HMCN1: variants seen among roughly 807,000 people sequenced by gnomAD.
HMCN1 encodes hemicentin 1.
In HMCN1, 321 loss-of-function variants were observed where a neutral mutation model predicts 625.9. The observed-to-expected ratio is 0.51, with a 90% CI of 0.47 to 0.56. HMCN1 has a LOEUF of 0.56. Among genes scored for constraint, HMCN1 ranks in the 20% least tolerant of loss-of-function variants. HMCN1 has a pLI of 0.00. For missense variants in HMCN1, 6,588 were observed against 6,887.3 expected, an observed-to-expected ratio of 0.96 and a Z score of 1.54; for synonymous variants, 2,425 against 2,417.6, an observed-to-expected ratio of 1.00 and a Z score of -0.09.
Position 186,115,366 on chromosome 1 carries a change from G to GA in HMCN1, c.11519dup (p.Asn3840LysfsTer6). 5.6e-6 allele frequency: 9 copies of GA among 1,613,782 alleles called. No homozygotes were observed. The highest frequency in any genetic ancestry group is 7.6e-6 in the Non-Finnish European group (9 of 1,179,896). On this transcript the variant is annotated frameshift_variant, in exon 75 of 107. Coordinates refer to ENST00000271588, the MANE Select transcript of HMCN1 (RefSeq NM_031935.3). LOFTEE classifies it high-confidence loss of function. ...ATACCAAAACCATCAATCAATTGGA[G>GA]AAAAAATGGGCATCTTCTTAATGTG...
chr1:186,085,751 T>C (rs1414524806), intron 57 of HMCN1, among the ~76,000 whole-genome samples: 1 of 152,006 alleles, frequency 6.6e-6, no homozygotes, highest in Non-Finnish European at 1.5e-5. Flanking sequence ...TCCTTCTTGT[T>C]TAAATAAGAG....
At chr1:185,947,406 A>G (rs1347364021) in intron 11 of HMCN1, among the ~76,000 whole-genome samples, 1 of 152,258 alleles carries the variant, frequency 6.6e-6, no homozygotes, top group Non-Finnish European at 1.5e-5. Context: ...ACCATATTTG[A>G]CAGTACAGCT....
intron 4 of HMCN1, among the ~76,000 whole-genome samples, chr1:185,886,901 T>C (rs1482307209): frequency 6.6e-6 from 1 of 152,134 alleles, no homozygotes; most frequent in African/African-American, 2.4e-5. Flanking sequence ...TTGCAGCCCT[T>C]CTAAAATCTG....
chr1:185,928,293 A>C (rs1667375404), intron 9 of HMCN1, among the ~76,000 whole-genome samples: 1 of 152,114 alleles, frequency 6.6e-6, no homozygotes, highest in African/African-American at 2.4e-5. Flanking sequence ...GCTAGAAAAT[A>C]TTTCTCTAAA....
At chr1:186,161,441 G>A (rs528151470) in intron 97 of HMCN1, among the ~76,000 whole-genome samples, 123 of 151,904 alleles carry the variant, frequency 8.1e-4, no homozygotes, top group African/African-American at 2.2e-3. Flanking sequence ...ATATTGTTAT[G>A]TGTGAATTTG....
chr1:185,943,109 G>A (rs554509041), intron 11 of HMCN1, among the ~76,000 whole-genome samples: 45 of 152,238 alleles, frequency 3.0e-4, no homozygotes, highest in African/African-American at 1.1e-3. Context: ...GGATCTGGAT[G>A]GCAGGAGCTT....
chr1:185,741,910 A>C (rs1430972342), intron 1 of HMCN1, among the ~76,000 whole-genome samples: 1 of 152,180 alleles, frequency 6.6e-6, no homozygotes, highest in Admixed American at 6.5e-5. Context: ...TTTGTTCATG[A>C]GGCTAAAACT....
At chr1:186,154,182 T>TA (rs1650851501) in intron 97 of HMCN1, among the ~76,000 whole-genome samples, 195 bp downstream of exon 97, 1 of 152,234 alleles carries the variant, frequency 6.6e-6, no homozygotes, top group African/African-American at 2.4e-5. Context: ...ACTTTACTAA[T>TA]ATACTTCTTC....
At chr1:186,057,123 A>T in intron 45 of HMCN1, 111 bp from the exon 46 acceptor site, 2 of 878,276 alleles carry the variant, frequency 2.3e-6, no homozygotes, top group South Asian at 2.8e-5. Flanking sequence ...TGGAAGTCTT[A>T]TTAACATACA....
intron 1 of HMCN1, among the ~76,000 whole-genome samples, chr1:185,812,374 A>G (rs1218625142): frequency 6.6e-6 from 1 of 152,210 alleles, no homozygotes; most frequent in Non-Finnish European, 1.5e-5. Flanking sequence ...CTTGAAAAAA[A>G]TGAATATGAT....
At position 186,093,539 on chromosome 1, in the gene HMCN1, G is replaced by A; in HGVS notation, c.10066G>A (p.Val3356Met). The change falls in exon 66 of 107, where the codon GTG (valine) becomes ATG (methionine). Residue 3356 changes from valine (V) to methionine (M), a missense_variant. By Grantham distance (21) the Val-to-Met change is conservative. This residue lies in a region of HMCN1 where 4,628 missense variants were observed against 4,853.1 expected (regional missense o/e 0.95). Transcript: ENST00000271588. The stretch of plus-strand genomic sequence containing the variant: ...TGAAGCAGAGAAACTAATGACTTTA[G>A]TGGATACTTCAATAAATATTGAATG... ...KDEAEKLMTL[V>M]DTSINIECRA... 1 of 1,613,444 alleles carries A rather than the reference G, an allele frequency of 6.2e-7. No individual in the cohort carries two copies. Among genetic ancestry groups the A allele is most frequent in the Non-Finnish European group, 8.5e-7 (1 of 1,179,624 alleles).
intron 36 of HMCN1, among the ~76,000 whole-genome samples, chr1:186,027,459 C>T (rs1407229508): frequency 6.6e-6 from 1 of 152,164 alleles, no homozygotes; most frequent in Non-Finnish European, 1.5e-5. Context: ...CAAGGTGAAA[C>T]ACCCAGAAAA....
At chr1:186,119,103 G>A (rs1303092269) in intron 77 of HMCN1, 88 bp from the exon 78 acceptor site, 3 of 923,506 alleles carry the variant, frequency 3.2e-6, no homozygotes, top group Non-Finnish European at 5.4e-6. Flanking sequence ...CATGCTATTT[G>A]CAGAAAACAC....
intron 54 of HMCN1, among the ~76,000 whole-genome samples, chr1:186,077,573 T>C (rs1162876410): frequency 6.6e-6 from 1 of 152,128 alleles, no homozygotes; most frequent in East Asian, 1.9e-4. Flanking sequence ...GAGTGAAATA[T>C]AAATAATTAG....
rs12060508 is a variant in HMCN1, at chr1:186,030,937, T to C, written c.5750-6997T>C. ...AATTTTGTTCTTAATTAGCTCTCTT[T>C]TTCCCCTCTTTTGTGCTATTATTGT... On this transcript the variant is annotated intron_variant, in intron 36 of 106. Transcript: ENST00000271588. Among the ~76,000 whole-genome samples, 960 of 152,098 alleles carry C rather than the reference T, an allele frequency of 6.3e-3. 14 individuals are homozygous for C. Among genetic ancestry groups the C allele is most frequent in the African/African-American group, 0.022 (897 of 41,566 alleles).
At chr1:185,943,492 T>C (rs1668184582) in intron 11 of HMCN1, among the ~76,000 whole-genome samples, 1 of 152,042 alleles carries the variant, frequency 6.6e-6, no homozygotes, top group South Asian at 2.1e-4. Context: ...GGTATTAGAG[T>C]AGAGGGAAAA....
intron 1 of HMCN1, among the ~76,000 whole-genome samples, chr1:185,771,198 T>C (rs1435733932): frequency 6.6e-6 from 1 of 152,212 alleles, no homozygotes; most frequent in African/African-American, 2.4e-5. Flanking sequence ...CATTCCAGAA[T>C]ACTGTACTGT....
chr1:186,158,717 G>C (rs867584333), intron 97 of HMCN1, among the ~76,000 whole-genome samples: 1 of 152,146 alleles, frequency 6.6e-6, no homozygotes, highest in African/African-American at 2.4e-5. Flanking sequence ...GCTTGTTTCT[G>C]GGAGGTTTGT....
At chr1:186,019,436 T>C (rs1571725704) in intron 34 of HMCN1, 105 bp from the exon 35 acceptor site, 1 of 124,954 alleles carries the variant, frequency 8.0e-6, no homozygotes, top group Non-Finnish European at 1.3e-5. Context: ...AGGGATTTGC[T>C]TTTTTTTTTT....
Sources: gnomAD v4.1 joint callset for allele counts (sites outside exome capture counted in the v4.1 genomes callset) on GRCh38, gnomAD v4.1.1 for gene constraint, gnomAD v4.1.1 regional missense constraint, MANE v1.5 for transcripts, NCBI Gene and HGNC (gene_info 2026-07-23, HGNC 2026-07-21) for gene names.